Variants in NDFIP1 observed in about 807,000 individuals in gnomAD.
NDFIP1 encodes the protein Nedd4 family interacting protein 1, also known as NEDD4 family-interacting protein 1.
A neutral mutation model predicts 28.8 loss-of-function variants in NDFIP1; 7 were observed. The observed-to-expected ratio is 0.24, with a 90% CI of 0.14 to 0.46. The LOEUF (loss-of-function observed/expected upper bound fraction) is 0.46, where lower values mean the gene tolerates loss of function less well. Ranked by LOEUF, NDFIP1 falls within the 20% of genes least tolerant of loss-of-function variation. The pLI, the probability that NDFIP1 is intolerant of heterozygous loss-of-function variation, is 0.99. For missense variants in NDFIP1, 194 were observed against 269.1 expected, an observed-to-expected ratio of 0.72 and a Z score of 1.95; for synonymous variants, 92 against 101.0, an observed-to-expected ratio of 0.91 and a Z score of 0.53.
At position 142,132,274 on chromosome 5, in the gene NDFIP1, A is replaced by G. The variant is rs1024661771; in HGVS notation, c.214A>G (p.Thr72Ala). 4.3e-6 allele frequency: 7 copies of G among 1,614,174 alleles called. No homozygotes were observed. The highest frequency in any genetic ancestry group is 5.9e-6 in the Non-Finnish European group (7 of 1,180,024). ...GCCCCCATCTTACAATGTAGCTACA[A>G]CACTGCCCAGTTATGATGAAGCGGA... ...PKPPSYNVATTLPSYDEAERT... is the reference protein window; with the variant it reads ...PKPPSYNVATALPSYDEAERT... Residue 72 changes from threonine to alanine, a missense_variant, in exon 3 of 8, where the codon ACA (threonine) becomes GCA (alanine). Thr to Ala is a moderately conservative substitution (Grantham distance 58). Coordinates refer to ENST00000253814, the MANE Select transcript of NDFIP1 (RefSeq NM_030571.4).
intron 1 of NDFIP1, among the ~76,000 whole-genome samples, chr5:142,130,223 G>A (rs1757213335): frequency 6.6e-6 from 1 of 152,142 alleles, no homozygotes; most frequent in Admixed American, 6.5e-5. Context: ...ACACTGGACT[G>A]GAAAAACCAA....
rs1023069802 is a variant in NDFIP1, at chr5:142,140,740, A to G, written c.562+111A>G. ...ATTACTGTATAGTAATATATTAACAATTAATAATAAACATTTTTAAAATGT... is the reference window on the plus strand; with the variant it reads ...ATTACTGTATAGTAATATATTAACAGTTAATAATAAACATTTTTAAAATGT... On this transcript the variant is annotated intron_variant, in intron 6 of 7. Transcript: ENST00000253814. 4.3e-5 allele frequency: 33 copies of G among 759,000 alleles called. No individual in the cohort carries two copies. In the Admixed American group the frequency reaches 1.0e-3, roughly 23 times the overall value. 47.0% of individuals were successfully genotyped at this position (759,000 alleles called of 1,614,324 possible).
intron 1 of NDFIP1, among the ~76,000 whole-genome samples, chr5:142,130,529 A>G (rs992577420): frequency 6.6e-6 from 1 of 152,066 alleles, no homozygotes; most frequent in Non-Finnish European, 1.5e-5. Context: ...TAACTTTAAA[A>G]AAGTATACAT....
chr5:142,109,110 C>T, intron 1 of NDFIP1, 73 bp downstream of exon 1: 1 of 1,212,752 alleles, frequency 8.2e-7, no homozygotes, highest in East Asian at 3.3e-5. Context: ...CCTCAGGCCT[C>T]TCTGGCCGGC....
intron 1 of NDFIP1, among the ~76,000 whole-genome samples, chr5:142,114,319 A>G (rs1757044352): frequency 6.6e-6 from 1 of 152,098 alleles, no homozygotes; most frequent in Non-Finnish European, 1.5e-5. Flanking sequence ...ATAATTAGCG[A>G]TGTTGAGCAT....
intron 1 of NDFIP1, among the ~76,000 whole-genome samples, chr5:142,121,006 C>G (rs530334539): frequency 6.6e-6 from 1 of 152,330 alleles, no homozygotes; most frequent in South Asian, 2.1e-4. Flanking sequence ...TGGAACTTCT[C>G]ACTATCAGAG....
intron 6 of NDFIP1, chr5:142,143,993 TTAATAATAA>T (rs61139878): frequency 0.66 from 97,263 of 148,010 alleles, 32,164 homozygotes; most frequent in African/African-American, 0.74. Flanking sequence ...ACCCTGTCTG[TTAATAATAA>T]TAATAATAAT....
chr5:142,120,785 G>A (rs1215524983), intron 1 of NDFIP1, among the ~76,000 whole-genome samples: 2 of 152,188 alleles, frequency 1.3e-5, no homozygotes, highest in Non-Finnish European at 2.9e-5. Flanking sequence ...TTGAATACTT[G>A]TAGAATGAAA....
At chr5:142,113,430 C>A (rs1179879066) in intron 1 of NDFIP1, among the ~76,000 whole-genome samples, 2 of 152,054 alleles carry the variant, frequency 1.3e-5, no homozygotes, top group Non-Finnish European at 2.9e-5. Flanking sequence ...CACAGAATGC[C>A]AACATAACCT....
chr5:142,109,515 C>G (rs1490018605), intron 1 of NDFIP1, among the ~76,000 whole-genome samples: 1 of 152,152 alleles, frequency 6.6e-6, no homozygotes, highest in Non-Finnish European at 1.5e-5. Flanking sequence ...CCTAGTTTGT[C>G]GAAACCCATC....
At chr5:142,149,817 C>T (rs1757426480) in intron 7 of NDFIP1, among the ~76,000 whole-genome samples, 1 of 152,086 alleles carries the variant, frequency 6.6e-6, no homozygotes, top group Non-Finnish European at 1.5e-5. Flanking sequence ...GGTAATTGTC[C>T]GTACCATATT....
chr5:142,140,518 T>A (rs758304258), intron 5 of NDFIP1, 45 bp from the exon 6 acceptor site: 3 of 1,448,064 alleles, frequency 2.1e-6, no homozygotes, highest in Non-Finnish European at 2.9e-6. Context: ...AAATGAGAAA[T>A]TGTGTCTGTT....
At chr5:142,141,282 TCTC>T (rs1222924274) in intron 6 of NDFIP1, among the ~76,000 whole-genome samples, 1 of 147,408 alleles carries the variant, frequency 6.8e-6, no homozygotes, top group Non-Finnish European at 1.5e-5. Context: ...TTCACACCAT[TCTC>T]CTGCCTCAGC....
In NDFIP1 at chr5:142,108,961, C is replaced by T. The variant is rs753676477; in HGVS notation, c.-14C>T. On this transcript the variant is annotated 5_prime_UTR_variant, in exon 1 of 8. Transcript: ENST00000253814. Reference sequence around the variant, plus strand: ...CTCGCTCGCTCGCTCTGCTTCCCTGCTGCCGGCTGCGCCATGGCGTTGGCG... The same window carrying T: ...CTCGCTCGCTCGCTCTGCTTCCCTGTTGCCGGCTGCGCCATGGCGTTGGCG... The T allele has an allele frequency of 9.7e-6, 14 of 1,439,280 alleles. No individual in the cohort carries two copies. The Admixed American group carries it at 3.7e-4, about 38-fold the overall frequency. 89.2% of individuals were successfully genotyped at this position (1,439,280 alleles called of 1,614,324 possible).
chr5:142,150,547 G>T (rs998893779), intron 7 of NDFIP1, among the ~76,000 whole-genome samples: 3 of 151,726 alleles, frequency 2.0e-5, no homozygotes, highest in Admixed American at 6.6e-5. Context: ...AAATACTTAC[G>T]CAGTAATCTA....
At chr5:142,150,955 A>T (rs900218713) in intron 7 of NDFIP1, among the ~76,000 whole-genome samples, 1 of 152,188 alleles carries the variant, frequency 6.6e-6, no homozygotes, top group Admixed American at 6.5e-5. Flanking sequence ...TATTGTTAAT[A>T]TAGGGAATTA....
chr5:142,142,940 A>ATATAT (rs1554092158), intron 6 of NDFIP1: 31 of 38,094 alleles, frequency 8.1e-4, no homozygotes, highest in African/African-American at 1.4e-3. Context: ...AAAAAAAAAA[A>ATATAT]ATATATATAT....
chr5:142,129,911 CAAAAAA>C (rs749420090), intron 1 of NDFIP1, among the ~76,000 whole-genome samples: 847 of 62,654 alleles, frequency 0.014, 5 homozygotes, highest in African/African-American at 0.041. Flanking sequence ...AACTACATCT[CAAAAAA>C]AAAAAAAAAA....
In NDFIP1 at chr5:142,142,491, C is replaced by T. The variant is rs188625431; in HGVS notation, c.562+1862C>T. Among the ~76,000 whole-genome samples, 35 of 152,092 alleles carry T rather than the reference C, an allele frequency of 2.3e-4. No homozygotes were observed. In the East Asian group the frequency reaches 4.4e-3, roughly 19 times the overall value. On this transcript the variant is annotated intron_variant, in intron 6 of 7. Transcript: ENST00000253814. ...AATGGACCAAAGAGGAGCCCTTAAG[C>T]GTATGTTCAGATTGATTGCTTATGG...
Sources: allele counts gnomAD v4.1 joint callset (sites outside exome capture counted in the v4.1 genomes callset), GRCh38; gene constraint gnomAD v4.1.1; transcripts MANE v1.5; gene names NCBI Gene and HGNC (gene_info 2026-07-23, HGNC 2026-07-21).